Variants in FREM2 observed in about 807,000 individuals in gnomAD.
The protein encoded by FREM2 is FRAS1-related extracellular matrix protein 2.
In FREM2, 119 loss-of-function variants were observed where a neutral mutation model predicts 219.9. That is an observed-to-expected ratio of 0.54 (90% CI 0.47 to 0.63). The LOEUF (loss-of-function observed/expected upper bound fraction) is 0.63, where lower values mean the gene tolerates loss of function less well. Ranked by LOEUF, FREM2 falls within the 30% of genes least tolerant of loss-of-function variation. The pLI is 0.00. For missense variants in FREM2, 4,030 were observed against 3,993.6 expected (o/e 1.01, Z -0.25); for synonymous variants, 1,562 against 1,522.8 (o/e 1.03, Z -0.60).
chr13:38,766,793 G>A (rs528367097), intron 3 of FREM2, among the ~76,000 whole-genome samples: 1 of 152,168 alleles, frequency 6.6e-6, no homozygotes, highest in African/African-American at 2.4e-5. Flanking sequence ...TTTATTAAAG[G>A]CAAGGTACTT....
chr13:38,694,698 A>T, intron 1 of FREM2, among the ~76,000 whole-genome samples: 1 of 152,222 alleles, frequency 6.6e-6, no homozygotes, highest in East Asian at 1.9e-4. Flanking sequence ...AGAAGAAAAA[A>T]ATTAATTCCT....
intron 6 of FREM2, among the ~76,000 whole-genome samples, chr13:38,827,787 T>A (rs893554222): frequency 6.6e-6 from 1 of 152,100 alleles, no homozygotes; most frequent in Non-Finnish European, 1.5e-5. Flanking sequence ...AGCATAATCA[T>A]CCACAACACT....
At chr13:38,802,274 A>G (rs1019287888) in intron 6 of FREM2, among the ~76,000 whole-genome samples, 1 of 151,920 alleles carries the variant, frequency 6.6e-6, no homozygotes, top group Admixed American at 6.6e-5. Context: ...GAACAGAGTA[A>G]GGAGGTAGCT....
rs1404029997 is a variant in FREM2, at chr13:38,784,694, T to C, written c.5905T>C (p.Ser1969Pro). 4.3e-6 allele frequency: 7 copies of C among 1,614,064 alleles called. No individual in the cohort carries two copies. The highest frequency in any genetic ancestry group is 5.9e-6 in the Non-Finnish European group (7 of 1,180,016). The change falls in exon 6 of 24, where the codon TCT becomes CCT. Residue 1969 changes from serine (S) to proline (P), a missense_variant. Physicochemically the swap from Ser to Pro is moderately conservative, Grantham distance 74 (BLOSUM62 -1). This residue lies in a region of FREM2 where 3,102 missense variants were observed against 2,950.7 expected (regional missense o/e 1.05). Coordinates refer to ENST00000280481, the MANE Select transcript of FREM2 (RefSeq NM_207361.6). Reference sequence around the variant, plus strand: ...GTGTCGGATAGTCATAATTGATGACTCTTTGTACGAGGAGGAGGAAACCTT... The same window carrying C: ...GTGTCGGATAGTCATAATTGATGACCCTTTGTACGAGGAGGAGGAAACCTT... ...KLCRIVIIDD[S>P]LYEEEETFHV...
At chr13:38,865,333 T>G (rs1287167999) in intron 16 of FREM2, among the ~76,000 whole-genome samples, 1 of 152,218 alleles carries the variant, frequency 6.6e-6, no homozygotes, top group African/African-American at 2.4e-5. Context: ...AGCAAGATCT[T>G]CTTGTGGGTT....
In FREM2 at chr13:38,689,007, C is replaced by T. The variant is rs1869654872; in HGVS notation, c.1663C>T (p.Pro555Ser). The change falls in exon 1 of 24, where the codon CCT becomes TCT. Residue 555 changes from proline (P) to serine (S), a missense_variant. Physicochemically the swap from Pro to Ser is moderately conservative, Grantham distance 74. Transcript: ENST00000280481. ...GTTTCTGTTCCCCATCACCTTAGTGCCTGTGGATGACCAGCCACCTGTTCT... is the reference window on the plus strand; with the variant it reads ...GTTTCTGTTCCCCATCACCTTAGTGTCTGTGGATGACCAGCCACCTGTTCT... ...VQFLFPITLV[P>S]VDDQPPVLNA... The T allele has an allele frequency of 1.2e-6, 2 of 1,613,986 alleles. No individual in the cohort carries two copies. Among genetic ancestry groups the T allele is most frequent in the Non-Finnish European group, 1.7e-6 (2 of 1,179,942 alleles).
intron 22 of FREM2, 44 bp from the exon 23 acceptor site, chr13:38,878,787 G>A (rs375285258): frequency 2.1e-5 from 34 of 1,594,320 alleles, no homozygotes; most frequent in African/African-American, 5.4e-5. Flanking sequence ...GGCAAAAGCC[G>A]TGGCATTATC....
chr13:38,688,846 G>A lies in FREM2; in HGVS notation c.1502G>A (p.Ser501Asn), dbSNP rs1383645454. 1.2e-6 allele frequency: 2 copies of A among 1,613,722 alleles called. No homozygotes were observed. Among genetic ancestry groups the A allele is most frequent in the Non-Finnish European group, 1.7e-6 (2 of 1,180,010 alleles). The change falls in exon 1 of 24, where the codon AGC becomes AAC. Residue 501 changes from serine to asparagine, a missense_variant. Ser to Asn is a conservative substitution (Grantham distance 46). Around this residue, in one of 2 missense-constraint regions of FREM2, gnomAD observed 3,102 missense variants for 2,950.7 expected, o/e 1.05. Coordinates refer to ENST00000280481, the MANE Select transcript of FREM2 (RefSeq NM_207361.6). ...GTCATTCTGGGTGCTTCCAGTGGCA[G>A]CTCTGCTCCCAAGAGCTTTACAGTG... is the stretch of plus-strand genomic sequence containing the variant. ...HLVILGASSG[S>N]SAPKSFTVAE...
intron 6 of FREM2, among the ~76,000 whole-genome samples, chr13:38,830,343 A>G (rs1253731040): frequency 1.3e-5 from 2 of 152,164 alleles, no homozygotes; most frequent in Non-Finnish European, 2.9e-5. Flanking sequence ...TTGATCACAA[A>G]GCATTGTCAC....
chr13:38,859,456 C>G lies in FREM2; in HGVS notation c.7385C>G (p.Ser2462Cys). ...GACTTCGACACCTTTTTTACGTCATCCAAGATGGTCACACTGGACTCCATA... is the reference window on the plus strand; with the variant it reads ...GACTTCGACACCTTTTTTACGTCATGCAAGATGGTCACACTGGACTCCATA... ...EVDFDTFFTS[S>C]KMVTLDSIYF... Residue 2462 changes from serine (S) to cysteine (C), a missense_variant, in exon 14 of 24, where the codon TCC becomes TGC. By Grantham distance (112) the Ser-to-Cys change is moderately radical. Transcript: ENST00000280481. The G allele has an allele frequency of 6.2e-7, 1 of 1,614,112 alleles. No individual in the cohort carries two copies. Among genetic ancestry groups the G allele is most frequent in the South Asian group, 1.1e-5 (1 of 91,078 alleles).
intron 7 of FREM2, 136 bp from the exon 8 acceptor site, chr13:38,848,325 A>G (rs1365988624): frequency 4.2e-6 from 3 of 711,192 alleles, no homozygotes; most frequent in South Asian, 3.3e-5. Flanking sequence ...CTTTTATTAA[A>G]TGTACTTTTC....
At position 38,881,542 on chromosome 13, in the gene FREM2, G is replaced by C. The variant is rs1190718045; in HGVS notation, c.*755G>C. The C allele has an allele frequency of 1.3e-5, 2 of 153,470 alleles. No individual in the cohort carries two copies. The highest frequency in any genetic ancestry group is 2.9e-5 in the Non-Finnish European group (2 of 68,668). 9.5% of individuals were successfully genotyped at this position (153,470 alleles called of 1,614,324 possible). A position where few individuals can be genotyped will look rare whatever the true frequency, so the allele number is the denominator to read the frequency against. On this transcript the variant is annotated 3_prime_UTR_variant, in exon 24 of 24. Transcript: ENST00000280481. ...TATAGTGAGTAATGGTAGAGCTCTT[G>C]CATGGTAATATACCTTATTGGTGCT...
chr13:38,772,509 C>A (rs1207200147), intron 4 of FREM2, among the ~76,000 whole-genome samples: 1 of 152,110 alleles, frequency 6.6e-6, no homozygotes, highest in African/African-American at 2.4e-5. Context: ...ATTCGTTGAG[C>A]AGTTACTATG....
At chr13:38,850,837 A>C (rs747133611) in intron 9 of FREM2, 107 bp from the exon 10 acceptor site, 183 of 1,229,512 alleles carry the variant, frequency 1.5e-4, no homozygotes, top group Middle Eastern at 1.1e-3. Context: ...TATTTATTGC[A>C]CTGATACAGC....
At chr13:38,779,198 A>G (rs528204158) in intron 4 of FREM2, among the ~76,000 whole-genome samples, 2 of 151,330 alleles carry the variant, frequency 1.3e-5, no homozygotes, top group East Asian at 3.9e-4. Context: ...GGACACAGGG[A>G]GGGGAACAAC....
At chr13:38,786,750 G>GAAAAAAAAAAA (rs1357834892) in intron 6 of FREM2, among the ~76,000 whole-genome samples, 1 of 151,940 alleles carries the variant, frequency 6.6e-6, no homozygotes, top group African/African-American at 2.4e-5. Flanking sequence ...TAAAAGTACA[G>GAAAAAAAAAAA]AAAAAAACAT....
rs561901807 is a variant in FREM2, at chr13:38,869,935, C to T, written c.7984-2807C>T. Among the ~76,000 whole-genome samples, 3 of 152,274 alleles carry T rather than the reference C, an allele frequency of 2.0e-5. No individual in the cohort carries two copies. In the South Asian group the frequency reaches 6.2e-4, roughly 32 times the overall value. ...TTTTGCGACATAGAATCTTAACTCT[C>T]CCATTTGTTTACAGGTAAACAGCGA... is the stretch of plus-strand genomic sequence containing the variant. On this transcript the variant is annotated intron_variant, in intron 16 of 23. Coordinates refer to ENST00000280481, the MANE Select transcript of FREM2 (RefSeq NM_207361.6).
At chr13:38,837,391 T>G (rs1158820707) in intron 6 of FREM2, among the ~76,000 whole-genome samples, 1 of 152,220 alleles carries the variant, frequency 6.6e-6, no homozygotes, top group African/African-American at 2.4e-5. Context: ...ACATGCTATG[T>G]GGTGCTGAGA....
Position 38,769,766 on chromosome 13 carries a change from T to C in FREM2, c.5599T>C (p.Phe1867Leu), listed in dbSNP as rs775351202. Residue 1867 changes from phenylalanine (F) to leucine (L), a missense_variant, in exon 4 of 24, where the codon TTC (phenylalanine) becomes CTC (leucine). Physicochemically the swap from Phe to Leu is conservative, Grantham distance 22. Coordinates refer to ENST00000280481, the MANE Select transcript of FREM2 (RefSeq NM_207361.6). ...AGAGCCCGTGCTGGCTGCCTTGGAA[T>C]TCCCCACAGTCGCCACTGTTGAGAT... is the stretch of plus-strand genomic sequence containing the variant. ...LSEPVLAALE[F>L]PTVATVEIVD... The C allele has an allele frequency of 1.2e-6, 2 of 1,614,116 alleles. No individual in the cohort carries two copies. The highest frequency in any genetic ancestry group is 1.7e-5 in the Admixed American group (1 of 60,008).
Sources: allele counts gnomAD v4.1 joint callset (sites outside exome capture counted in the v4.1 genomes callset), GRCh38; gene constraint gnomAD v4.1.1; regional missense constraint gnomAD v4.1.1; transcripts MANE v1.5; gene names NCBI Gene and HGNC (gene_info 2026-07-23, HGNC 2026-07-21).